Variants in GRIK2 observed in about 807,000 individuals in gnomAD.
GRIK2 encodes glutamate receptor ionotropic, kainate 2.
A neutral mutation model predicts 100.3 loss-of-function variants in GRIK2; 32 were observed. That is an observed-to-expected ratio of 0.32 (90% CI 0.24 to 0.43). The LOEUF (loss-of-function observed/expected upper bound fraction) is 0.43, where lower values mean the gene tolerates loss of function less well. Among genes scored for constraint, GRIK2 ranks in the 20% least tolerant of loss-of-function variants. The pLI, the probability that GRIK2 is intolerant of heterozygous loss-of-function variation, is 1.00. For synonymous variants in GRIK2, 417 were observed against 389.4 expected (o/e 1.07, Z -0.83); for missense variants, 843 against 1,114.9 (o/e 0.76, Z 3.47).
In GRIK2 at chr6:101,439,434, C is replaced by A. The variant is rs75280218; in HGVS notation, c.115+40042C>A. 5.5e-3 allele frequency among the ~76,000 whole-genome samples: 844 copies of A among 152,216 alleles called. 23 individuals are homozygous for A. The highest frequency in any genetic ancestry group is 0.055 in the East Asian group (283 of 5,170). On this transcript the variant is annotated intron_variant, in intron 2 of 16. Coordinates refer to ENST00000369134, the MANE Select transcript of GRIK2 (RefSeq NM_021956.5). ...ACAAGTATTATCTCAATTATCTCATCCAATCCTCACAACAACCCTATGAGA... is the reference window on the plus strand; with the variant it reads ...ACAAGTATTATCTCAATTATCTCATACAATCCTCACAACAACCCTATGAGA...
At chr6:101,531,337 G>A (rs764106861) in intron 2 of GRIK2, among the ~76,000 whole-genome samples, 2 of 151,790 alleles carry the variant, frequency 1.3e-5, no homozygotes, top group Non-Finnish European at 2.9e-5. Flanking sequence ...TCGTATATAC[G>A]TATACATAGG....
intron 2 of GRIK2, among the ~76,000 whole-genome samples, chr6:101,406,820 A>C (rs1184004656): frequency 6.6e-6 from 1 of 152,180 alleles, no homozygotes; most frequent in Non-Finnish European, 1.5e-5. Context: ...CTTTTAGCAT[A>C]AGTGATTATT....
chr6:101,457,411 C>T (rs1771065529), intron 2 of GRIK2, among the ~76,000 whole-genome samples: 1 of 151,932 alleles, frequency 6.6e-6, no homozygotes, highest in Non-Finnish European at 1.5e-5. Flanking sequence ...ATACCAAATG[C>T]AAATTAATAG....
At chr6:101,789,438 C>T (rs1181674203) in intron 7 of GRIK2, among the ~76,000 whole-genome samples, 2 of 152,106 alleles carry the variant, frequency 1.3e-5, no homozygotes, top group Non-Finnish European at 2.9e-5. Context: ...AGCCAATTTT[C>T]CCAGCACCAT....
chr6:101,767,549 TATTA>T (rs1286909945), intron 7 of GRIK2, among the ~76,000 whole-genome samples: 5 of 152,208 alleles, frequency 3.3e-5, no homozygotes, highest in African/African-American at 4.8e-5. Flanking sequence ...GAGGTATATC[TATTA>T]ATTCTAACTT....
intron 7 of GRIK2, among the ~76,000 whole-genome samples, chr6:101,727,225 CTA>C: frequency 6.6e-6 from 1 of 152,092 alleles, no homozygotes; most frequent in South Asian, 2.1e-4. Context: ...CCTTATGAGA[CTA>C]TTAATTCTGA....
intron 9 of GRIK2, among the ~76,000 whole-genome samples, chr6:101,809,420 C>A (rs1396595899): frequency 6.6e-6 from 1 of 151,958 alleles, no homozygotes; most frequent in Non-Finnish European, 1.5e-5. Flanking sequence ...CCTCATTAAA[C>A]TTCATATGAA....
rs73761468 is a variant in GRIK2 at position 101,892,974 on chromosome 6, C to T, written c.1748+3111C>T. Among the ~76,000 whole-genome samples, 414 of 151,332 alleles carry T rather than the reference C, an allele frequency of 2.7e-3. 2 individuals are homozygous for T. Among genetic ancestry groups the T allele is most frequent in the African/African-American group, 9.4e-3 (392 of 41,494 alleles). The stretch of plus-strand genomic sequence containing the variant: ...AATGAATTTGTTTAATTAAAATATA[C>T]TCTGACATAGTATTGAACTTTTACT... On this transcript the variant is annotated intron_variant, in intron 12 of 16. Coordinates refer to ENST00000369134, the MANE Select transcript of GRIK2 (RefSeq NM_021956.5).
At chr6:101,452,434 G>T (rs953663038) in intron 2 of GRIK2, among the ~76,000 whole-genome samples, 1 of 140,972 alleles carries the variant, frequency 7.1e-6, no homozygotes, top group African/African-American at 2.7e-5. Context: ...TGCTTGCAGT[G>T]TATGAAATTT....
chr6:101,563,394 C>G (rs1777115144), intron 2 of GRIK2, among the ~76,000 whole-genome samples: 1 of 152,102 alleles, frequency 6.6e-6, no homozygotes. Context: ...CAAAAAACAT[C>G]TTAATAATTC....
intron 2 of GRIK2, among the ~76,000 whole-genome samples, chr6:101,535,482 G>T (rs1042808421): frequency 8.6e-5 from 13 of 151,690 alleles, no homozygotes; most frequent in Non-Finnish European, 1.2e-4. Flanking sequence ...CTGTATCACA[G>T]GTTGGCTTTG....
chr6:101,541,584 TAA>T (rs1159890233), intron 2 of GRIK2, among the ~76,000 whole-genome samples: 1 of 152,084 alleles, frequency 6.6e-6, no homozygotes, highest in African/African-American at 2.4e-5. Context: ...TGTTCGCTAT[TAA>T]GTTTCCAGCC....
chr6:102,010,370 C>T (rs1027313060), intron 14 of GRIK2, among the ~76,000 whole-genome samples: 2 of 151,180 alleles, frequency 1.3e-5, no homozygotes, highest in African/African-American at 2.4e-5. Context: ...CCTCCTCCCC[C>T]CACTTCTTCT....
chr6:101,684,326 A>G (rs1216255830), intron 6 of GRIK2, among the ~76,000 whole-genome samples: 7 of 152,206 alleles, frequency 4.6e-5, no homozygotes, highest in Admixed American at 6.5e-5. Context: ...TTTAGGATAC[A>G]TAGAACTCAT....
At chr6:101,634,246 A>G (rs1197758450) in intron 4 of GRIK2, among the ~76,000 whole-genome samples, 1 of 152,084 alleles carries the variant, frequency 6.6e-6, no homozygotes, top group Non-Finnish European at 1.5e-5. Flanking sequence ...GGAGATACAG[A>G]TTGTAGAATT....
At chr6:101,524,235 T>C (rs944380859) in intron 2 of GRIK2, among the ~76,000 whole-genome samples, 1 of 152,198 alleles carries the variant, frequency 6.6e-6, no homozygotes, top group African/African-American at 2.4e-5. Flanking sequence ...TCCATCAACA[T>C]AGATCCTTGC....
intron 14 of GRIK2, among the ~76,000 whole-genome samples, chr6:102,013,321 T>C (rs1171791334): frequency 6.6e-6 from 1 of 152,192 alleles, no homozygotes; most frequent in Non-Finnish European, 1.5e-5. Context: ...TACCAACTTA[T>C]TGAGCTTTTG....
rs567905513 is a variant in GRIK2 at position 101,854,801 on chromosome 6, A to G, written c.1318-4486A>G. 2.0e-5 allele frequency among the ~76,000 whole-genome samples: 3 copies of G among 152,284 alleles called. No individual in the cohort carries two copies. In the East Asian group the frequency reaches 5.8e-4, roughly 29 times the overall value. On this transcript the variant is annotated intron_variant, in intron 10 of 16. Coordinates refer to ENST00000369134, the MANE Select transcript of GRIK2 (RefSeq NM_021956.5). ...CTATATGCTAGGCATTGTATTAGGC[A>G]TGGAAGATATTATAATGAGTTCATA...
intron 2 of GRIK2, among the ~76,000 whole-genome samples, chr6:101,423,086 A>G (rs1582415042): frequency 6.6e-6 from 1 of 152,220 alleles, no homozygotes; most frequent in East Asian, 1.9e-4. Flanking sequence ...GACTCTAACA[A>G]TGACCAATAT....
Sources: gnomAD v4.1 joint callset for allele counts (sites outside exome capture counted in the v4.1 genomes callset) on GRCh38, gnomAD v4.1.1 for gene constraint, MANE v1.5 for transcripts, NCBI Gene and HGNC (gene_info 2026-07-23, HGNC 2026-07-21) for gene names.